FMN2: variants seen among roughly 807,000 people sequenced by gnomAD.
The protein encoded by FMN2 is formin-2.
A neutral mutation model predicts 142.3 loss-of-function variants in FMN2; 51 were observed. The observed-to-expected ratio is 0.36, with a 90% CI of 0.29 to 0.45. The LOEUF (loss-of-function observed/expected upper bound fraction) is 0.45, where lower values mean the gene tolerates loss of function less well. Ranked by LOEUF, FMN2 falls within the 20% of genes least tolerant of loss-of-function variation. The pLI, the probability that FMN2 is intolerant of heterozygous loss-of-function variation, is 1.00. For missense variants in FMN2, 1,936 were observed against 2,122.8 expected, an observed-to-expected ratio of 0.91 and a Z score of 1.73; for synonymous variants, 882 against 869.8, an observed-to-expected ratio of 1.01 and a Z score of -0.25.
At chr1:240,425,537 A>G (rs960888350) in intron 15 of FMN2, among the ~76,000 whole-genome samples, 3 of 152,098 alleles carry the variant, frequency 2.0e-5, no homozygotes, top group Non-Finnish European at 4.4e-5. Context: ...GCCACACATC[A>G]AAAGGTGCTC....
chr1:240,269,002 G>A (rs2102916304), intron 7 of FMN2, among the ~76,000 whole-genome samples: 1 of 151,892 alleles, frequency 6.6e-6, no homozygotes, highest in East Asian at 1.9e-4. Context: ...CCAATTTGTG[G>A]TTGTCTCTGC....
chr1:240,121,429 G>T (rs945520594), intron 1 of FMN2, among the ~76,000 whole-genome samples: 1 of 149,568 alleles, frequency 6.7e-6, no homozygotes, highest in African/African-American at 2.5e-5. Context: ...AGGCTGGAGT[G>T]CAGTGGCGCG....
chr1:240,220,389 G>A (rs973147159), intron 6 of FMN2, among the ~76,000 whole-genome samples: 1 of 152,124 alleles, frequency 6.6e-6, no homozygotes, highest in Admixed American at 6.5e-5. Flanking sequence ...TTTTGGTCTG[G>A]GAGAGGCAGG....
chr1:240,280,287 CATT>C (rs570271336), intron 7 of FMN2, among the ~76,000 whole-genome samples: 1 of 152,082 alleles, frequency 6.6e-6, no homozygotes, highest in East Asian at 1.9e-4. Flanking sequence ...TGATTATAAT[CATT>C]GTGTTTATAA....
intron 14 of FMN2, among the ~76,000 whole-genome samples, chr1:240,380,238 A>G (rs1673180365): frequency 6.6e-6 from 1 of 152,204 alleles, no homozygotes; most frequent in Non-Finnish European, 1.5e-5. Context: ...TTAGCCAAAA[A>G]GCAAGTTTCA....
At chr1:240,210,972 C>T (rs1558368186) in intron 5 of FMN2, 119 bp from the exon 6 acceptor site, 5 of 858,114 alleles carry the variant, frequency 5.8e-6, no homozygotes, top group Non-Finnish European at 7.0e-6. Flanking sequence ...TATCTCTCTT[C>T]TTTTTCCCTC....
chr1:240,386,826 G>A (rs1285882733), intron 14 of FMN2, among the ~76,000 whole-genome samples: 1 of 152,172 alleles, frequency 6.6e-6, no homozygotes, highest in Non-Finnish European at 1.5e-5. Flanking sequence ...CTCTTTGGTA[G>A]GATCAGACCT....
chr1:240,206,613 G>A (rs182102853), intron 4 of FMN2, among the ~76,000 whole-genome samples, 186 bp from the exon 5 acceptor site: 1 of 152,126 alleles, frequency 6.6e-6, no homozygotes, highest in African/African-American at 2.4e-5. Context: ...GGTAAGTCAC[G>A]TGTGTTAACC....
chr1:240,445,175 A>G (rs922523005), intron 16 of FMN2, among the ~76,000 whole-genome samples: 4 of 152,204 alleles, frequency 2.6e-5, no homozygotes, highest in Non-Finnish European at 4.4e-5. Context: ...AATTGGAGTA[A>G]CGCATACACA....
intron 9 of FMN2, 80 bp downstream of exon 9, chr1:240,329,247 T>TA (rs1671298947): frequency 1.3e-6 from 2 of 1,587,494 alleles, no homozygotes; most frequent in Non-Finnish European, 1.7e-6. Context: ...AAATGCGGTG[T>TA]CTTCAGTGCA....
chr1:240,316,966 C>A (rs1471342245), intron 8 of FMN2, among the ~76,000 whole-genome samples: 1 of 152,110 alleles, frequency 6.6e-6, no homozygotes, highest in Non-Finnish European at 1.5e-5. Context: ...ATGTACAGTT[C>A]TATGCACTCG....
Position 240,092,241 on chromosome 1 carries a change from G to A in FMN2, c.132G>A (p.Ala44=). The change falls in exon 1 of 18, where the codon GCG becomes GCA. Residue 44 remains alanine (A), a synonymous_variant. Coordinates refer to ENST00000319653, the MANE Select transcript of FMN2 (RefSeq NM_020066.5). The stretch of plus-strand genomic sequence containing the variant: ...AGAAGGGGAGCGGGGGCAAGAAGGC[G>A]CTAGGCAAGCACGGCAAGGGGGGAG... ...ATKKGSGGKK[A]LGKHGKGGGG... is the part of the protein sequence containing the mutation. 2 of 1,577,122 alleles carry A rather than the reference G, an allele frequency of 1.3e-6. No individual in the cohort carries two copies. The highest frequency in any genetic ancestry group is 1.7e-6 in the Non-Finnish European group (2 of 1,162,172).
At chr1:240,440,667 C>T (rs1020036460) in intron 16 of FMN2, among the ~76,000 whole-genome samples, 1 of 152,126 alleles carries the variant, frequency 6.6e-6, no homozygotes, top group African/African-American at 2.4e-5. Flanking sequence ...TAATAAAGGG[C>T]TAAGGAAGAA....
intron 15 of FMN2, among the ~76,000 whole-genome samples, chr1:240,401,297 G>C (rs1207659467): frequency 6.6e-6 from 1 of 152,052 alleles, no homozygotes; most frequent in African/African-American, 2.4e-5. Flanking sequence ...TTTTATTATA[G>C]ATTATTCTTA....
At chr1:240,302,801 C>T (rs1572172674) in intron 8 of FMN2, among the ~76,000 whole-genome samples, 1 of 152,134 alleles carries the variant, frequency 6.6e-6, no homozygotes, top group East Asian at 1.9e-4. Context: ...GTATAACTAT[C>T]AGACAAATCA....
intron 4 of FMN2, among the ~76,000 whole-genome samples, chr1:240,190,617 A>G (rs1665661468): frequency 6.6e-6 from 1 of 152,226 alleles, no homozygotes; most frequent in Non-Finnish European, 1.5e-5. Context: ...ATCAGATCAC[A>G]AACTTGATAA....
chr1:240,098,596 G>A (rs1661304674), intron 1 of FMN2, among the ~76,000 whole-genome samples: 2 of 152,136 alleles, frequency 1.3e-5, no homozygotes, highest in African/African-American at 2.4e-5. Context: ...AAAGGAAAGG[G>A]GTTTATATGA....
chr1:240,117,205 G>A (rs557841864), intron 1 of FMN2, among the ~76,000 whole-genome samples: 1 of 152,306 alleles, frequency 6.6e-6, no homozygotes, highest in Admixed American at 6.5e-5. Flanking sequence ...ATTTGTCTCA[G>A]ATTCTTCCAT....
chr1:240,366,854 T>A (rs58752463), intron 14 of FMN2, among the ~76,000 whole-genome samples: 23,864 of 152,160 alleles, frequency 0.16, 1,915 homozygotes, highest in Non-Finnish European at 0.16. Context: ...CCCGGCCCTC[T>A]ATCCCTGTTT....
Sources: allele counts gnomAD v4.1 joint callset (sites outside exome capture counted in the v4.1 genomes callset), GRCh38; gene constraint gnomAD v4.1.1; transcripts MANE v1.5; gene names NCBI Gene and HGNC (gene_info 2026-07-23, HGNC 2026-07-21).